Variants in ROCK1 observed in about 807,000 individuals in gnomAD.
The protein encoded by ROCK1 is Rho associated coiled-coil containing protein kinase 1.
ROCK1 carries 36 observed loss-of-function variants against 196.8 expected under a neutral mutation model. That is an observed-to-expected ratio of 0.18 (90% CI 0.14 to 0.24). ROCK1 has a LOEUF of 0.24. Ranked by LOEUF, ROCK1 falls within the 10% of genes least tolerant of loss-of-function variation. The pLI is 1.00. For missense variants in ROCK1, 920 were observed against 1,562.0 expected, an observed-to-expected ratio of 0.59 and a Z score of 6.93; for synonymous variants, 443 against 515.9, an observed-to-expected ratio of 0.86 and a Z score of 1.91.
At chr18:20,980,058 T>G in intron 21 of ROCK1, 54 bp from the exon 22 acceptor site, 1 of 1,446,558 alleles carries the variant, frequency 6.9e-7, no homozygotes, top group Non-Finnish European at 9.1e-7. Flanking sequence ...TAAAAACAAT[T>G]TGGCAGTTTC....
chr18:21,071,179 T>A (rs2036381358), intron 1 of ROCK1, among the ~76,000 whole-genome samples: 1 of 120,590 alleles, frequency 8.3e-6, no homozygotes, highest in African/African-American at 3.1e-5. Context: ...GCATTTTTTC[T>A]GCTTTTTTTT....
At chr18:21,050,823 C>T (rs1483787244) in intron 2 of ROCK1, among the ~76,000 whole-genome samples, 1 of 152,146 alleles carries the variant, frequency 6.6e-6, no homozygotes. Context: ...CTGCAAGATG[C>T]ACCAGAAAGA....
Position 21,061,549 on chromosome 18 carries a change from C to G in ROCK1, c.175+8983G>C, listed in dbSNP as rs371369322. On this transcript the variant is annotated intron_variant, in intron 2 of 32. Transcript: ENST00000399799. ...TGTTCCGAATGGTATTGGGGTGTTG[C>G]AGACAAGACTATGTGTTTGTTAAGA... Among the ~76,000 whole-genome samples, 204 of 152,246 alleles carry G rather than the reference C, an allele frequency of 1.3e-3. 1 individual carries two copies. The highest frequency in any genetic ancestry group is 2.0e-3 in the Non-Finnish European group (134 of 68,010).
At chr18:21,064,176 G>A (rs564238433) in intron 2 of ROCK1, among the ~76,000 whole-genome samples, 198 of 152,052 alleles carry the variant, frequency 1.3e-3, no homozygotes, top group Middle Eastern at 0.01. Flanking sequence ...CCTGCAGTCC[G>A]TCCTCCCGAC....
At position 21,039,913 on chromosome 18, in the gene ROCK1, C is replaced by T. The variant is rs1307946195; in HGVS notation, c.960-350G>A. Among the ~76,000 whole-genome samples the T allele has an allele frequency of 2.6e-5, 4 of 151,948 alleles. No homozygotes were observed. In the East Asian group the frequency reaches 5.8e-4, roughly 22 times the overall value. Reference sequence around the variant, plus strand: ...ATCTCTACTAAAAATATAAAACTAGCGGGTGTACTGGAACACGCCTGTAGT... The same window carrying T: ...ATCTCTACTAAAAATATAAAACTAGTGGGTGTACTGGAACACGCCTGTAGT... On this transcript the variant is annotated intron_variant, in intron 8 of 32. Coordinates refer to ENST00000399799, the MANE Select transcript of ROCK1 (RefSeq NM_005406.3).
At chr18:21,037,083 T>A (rs2036064167) in intron 9 of ROCK1, among the ~76,000 whole-genome samples, 1 of 152,204 alleles carries the variant, frequency 6.6e-6, no homozygotes. Context: ...TGTTGTTTGC[T>A]TGCAGTTATG....
At chr18:21,042,273 TAC>T in intron 7 of ROCK1, 38 bp from the exon 8 acceptor site, 1 of 1,521,296 alleles carries the variant, frequency 6.6e-7, no homozygotes, top group Non-Finnish European at 8.8e-7. Context: ...CAAAATGAAA[TAC>T]ATTTTTAAAA....
chr18:20,961,818 C>CTTTTTTTTTTTTTTTTTTTTTTTCT (rs11334095), intron 27 of ROCK1, among the ~76,000 whole-genome samples: 1 of 117,210 alleles, frequency 8.5e-6, no homozygotes, highest in African/African-American at 3.3e-5. Flanking sequence ...TTTCTTTTTC[C>CTTTTTTTTTTTTTTTTTTTTTTTCT]TTTTTTTTTT....
chr18:21,089,496 G>T (rs1309902930), intron 1 of ROCK1, among the ~76,000 whole-genome samples: 1 of 152,168 alleles, frequency 6.6e-6, no homozygotes, highest in Admixed American at 6.5e-5. Context: ...CATTGCCTTG[G>T]TTTGAAGCGT....
rs529904656 is a variant in ROCK1 at position 21,015,414 on chromosome 18, T to G, written c.1410+17A>C. 3 of 1,514,296 alleles carry G rather than the reference T, an allele frequency of 2.0e-6. No homozygotes were observed. In the Admixed American group the frequency reaches 5.3e-5, roughly 27 times the overall value. The allele number at this position is 1,514,296 out of a possible 1,614,324, so 93.8% of individuals were successfully genotyped here. On this transcript the variant is annotated intron_variant, in intron 13 of 32. Transcript: ENST00000399799. ...AAAAATCTCAAAAAGGAAACTTGAT[T>G]AGAAAACAAAAAGTACCTCTTCATC...
At chr18:20,962,177 T>C (rs2035333735) in intron 27 of ROCK1, among the ~76,000 whole-genome samples, 1 of 152,210 alleles carries the variant, frequency 6.6e-6, no homozygotes, top group South Asian at 2.1e-4. Context: ...GGCAGTTTTA[T>C]ACTAAATAGC....
chr18:21,023,710 G>A, intron 10 of ROCK1, 30 bp from the exon 11 acceptor site: 2 of 1,349,084 alleles, frequency 1.5e-6, no homozygotes, highest in Admixed American at 2.2e-5. Flanking sequence ...AAAAAGAAAA[G>A]AAAACAAAAA....
chr18:21,044,085 A>G lies in ROCK1; in HGVS notation c.675+17T>C. ...CCTTGAATTAGCAAAAACTAAATTA[A>G]AATCTAGTTAATTAACCTTATTCAT... On this transcript the variant is annotated intron_variant, in intron 6 of 32. Transcript: ENST00000399799. 6.8e-7 allele frequency: 1 copy of G among 1,476,512 alleles called. No homozygotes were observed. The highest frequency in any genetic ancestry group is 9.4e-7 in the Non-Finnish European group (1 of 1,064,754). 91.5% of individuals were successfully genotyped at this position (1,476,512 alleles called of 1,614,324 possible). A position where few individuals can be genotyped will look rare whatever the true frequency, so the allele number is the denominator to read the frequency against.
rs1460675098 is a variant in ROCK1, at chr18:20,948,053, T to C, written c.*3331A>G. The C allele has an allele frequency of 2.0e-5, 3 of 152,142 alleles. No individual in the cohort carries two copies. The highest frequency in any genetic ancestry group is 7.2e-5 in the African/African-American group (3 of 41,426). The allele number at this position is 152,142 out of a possible 1,614,324, so 9.4% of individuals were successfully genotyped here. A position where few individuals can be genotyped will look rare whatever the true frequency, so the allele number is the denominator to read the frequency against. On this transcript the variant is annotated 3_prime_UTR_variant, in exon 33 of 33. Transcript: ENST00000399799. ...TGAACCTGGGAGGCGGAGGTTGCAG[T>C]GAGCCGAGATCGCGCCACTGCACTC...
chr18:21,044,781 A>G (rs2036140738), intron 5 of ROCK1, among the ~76,000 whole-genome samples: 1 of 152,214 alleles, frequency 6.6e-6, no homozygotes, highest in South Asian at 2.1e-4. Flanking sequence ...CTATATGATC[A>G]GATTAAGGGA....
intron 24 of ROCK1, 53 bp downstream of exon 24, chr18:20,969,062 G>T: frequency 8.3e-7 from 1 of 1,210,748 alleles, no homozygotes; most frequent in South Asian, 1.2e-5. Context: ...CATAGGTAAA[G>T]ATAAATCACT....
chr18:21,052,418 T>C (rs781482392), intron 2 of ROCK1, among the ~76,000 whole-genome samples: 13 of 152,190 alleles, frequency 8.5e-5, no homozygotes, highest in South Asian at 2.1e-4. Context: ...TATTGTAAAG[T>C]AGTCATGTAA....
rs2035311327 is a variant in ROCK1 at position 20,959,993 on chromosome 18, A to G, written c.3424-65T>C. On this transcript the variant is annotated intron_variant, in intron 28 of 32. Transcript: ENST00000399799. ...ATTAACTTGGTTTAAAGTGATAAGCATAATATTTGCCACTAATATCTAGAT... is the reference window on the plus strand; with the variant it reads ...ATTAACTTGGTTTAAAGTGATAAGCGTAATATTTGCCACTAATATCTAGAT... 2.7e-6 allele frequency: 3 copies of G among 1,121,052 alleles called. No homozygotes were observed. The South Asian group carries it at 3.9e-5, about 15-fold the overall frequency. 69.4% of individuals were successfully genotyped at this position (1,121,052 alleles called of 1,614,324 possible).
chr18:21,042,872 C>T (rs2036119173), intron 6 of ROCK1, among the ~76,000 whole-genome samples, 163 bp from the exon 7 acceptor site: 1 of 152,034 alleles, frequency 6.6e-6, no homozygotes, highest in Non-Finnish European at 1.5e-5. Context: ...ACAGCTTAAT[C>T]ATATATATAC....
Sources: allele counts gnomAD v4.1 joint callset (sites outside exome capture counted in the v4.1 genomes callset), GRCh38; gene constraint gnomAD v4.1.1; transcripts MANE v1.5; gene names NCBI Gene and HGNC (gene_info 2026-07-23, HGNC 2026-07-21).